The following TTC28 variants were observed in gnomAD, a reference collection of about 807,000 sequenced individuals.
The protein encoded by TTC28 is tetratricopeptide repeat protein 28.
A neutral mutation model predicts 198.0 loss-of-function variants in TTC28; 61 were observed. The observed-to-expected ratio is 0.31, with a 90% confidence interval of 0.25 to 0.38. The LOEUF is 0.38. TTC28 is among the 10% of genes least tolerant of loss of function. The probability of loss-of-function intolerance (pLI) is 1.00; values close to 1 mark genes in which losing one functional copy is unlikely to be tolerated. For missense variants in TTC28, 2,678 were observed against 3,164.0 expected (o/e 0.85, Z 3.69); for synonymous variants, 1,171 against 1,297.8 (o/e 0.90, Z 2.10).
At chr22:28,446,273 TG>T (rs2047699489) in intron 2 of TTC28, among the ~76,000 whole-genome samples, 1 of 87,994 alleles carries the variant, frequency 1.1e-5, no homozygotes, top group African/African-American at 4.6e-5. Context: ...GAATGGGGTG[TG>T]GGGGTGGGAG....
At chr22:28,349,958 G>T (rs1215613073) in intron 2 of TTC28, among the ~76,000 whole-genome samples, 1 of 152,214 alleles carries the variant, frequency 6.6e-6, no homozygotes, top group African/African-American at 2.4e-5. Flanking sequence ...CAGTGAAGAT[G>T]AGATAGTAAT....
intron 2 of TTC28, among the ~76,000 whole-genome samples, chr22:28,419,618 CG>C (rs1441446529): frequency 1.9e-4 from 29 of 152,238 alleles, no homozygotes; most frequent in African/African-American, 6.7e-4. Flanking sequence ...AACAGCCTAT[CG>C]ACAATCTAAA....
At chr22:28,372,902 T>C (rs2046359434) in intron 2 of TTC28, among the ~76,000 whole-genome samples, 1 of 152,212 alleles carries the variant, frequency 6.6e-6, no homozygotes, top group South Asian at 2.1e-4. Context: ...CAGTAAAATG[T>C]GGTTAGCTAA....
chr22:28,488,007 G>A (rs1003167614), intron 2 of TTC28, among the ~76,000 whole-genome samples: 11 of 151,918 alleles, frequency 7.2e-5, no homozygotes, highest in Non-Finnish European at 1.5e-4. Context: ...TCCACCAGAC[G>A]CTCCTGCGCA....
At chr22:28,619,670 C>A (rs2050960020) in intron 2 of TTC28, among the ~76,000 whole-genome samples, 1 of 152,170 alleles carries the variant, frequency 6.6e-6, no homozygotes, top group African/African-American at 2.4e-5. Context: ...AAAATTTCTG[C>A]ATCAAAATGA....
intron 2 of TTC28, among the ~76,000 whole-genome samples, chr22:28,611,562 G>C (rs931103554): frequency 6.9e-6 from 1 of 145,580 alleles, no homozygotes; most frequent in African/African-American, 2.5e-5. Context: ...CATTGTGCAG[G>C]TTAGTTACAT....
chr22:28,099,157 C>T, intron 9 of TTC28, 113 bp from the exon 10 acceptor site: 1 of 1,410,856 alleles, frequency 7.1e-7, no homozygotes, highest in South Asian at 1.4e-5. Context: ...ATATTTTTTA[C>T]AGATTTGAAA....
intron 2 of TTC28, among the ~76,000 whole-genome samples, chr22:28,511,812 C>T (rs1307683846): frequency 2.0e-5 from 3 of 149,904 alleles, no homozygotes; most frequent in Non-Finnish European, 3.0e-5. Context: ...AGTGAGACTC[C>T]GTCTCAGAAA....
At chr22:28,612,219 A>G (rs1201270161) in intron 2 of TTC28, among the ~76,000 whole-genome samples, 3 of 152,220 alleles carry the variant, frequency 2.0e-5, no homozygotes, top group Non-Finnish European at 1.5e-5. Flanking sequence ...AAAGATCAAG[A>G]GAGACAAAGA....
At position 28,094,063 on chromosome 22, in the gene TTC28, G is replaced by T. The variant is rs918065512; in HGVS notation, c.3932+17C>A. 2.2e-5 allele frequency: 33 copies of T among 1,508,146 alleles called. No homozygotes were observed. Among genetic ancestry groups the T allele is most frequent in the Non-Finnish European group, 2.7e-5 (31 of 1,128,448 alleles). The allele number at this position is 1,508,146 out of a possible 1,614,324, so 93.4% of individuals were successfully genotyped here. A position where few individuals can be genotyped will look rare whatever the true frequency, so the allele number is the denominator to read the frequency against. ...AGATTTATCTGAAAATGGACTTGGG[G>T]ATGTTTTACTACCTACCTTGAGTAG... On this transcript the variant is annotated intron_variant, in intron 12 of 22. Coordinates refer to ENST00000397906, the MANE Select transcript of TTC28 (RefSeq NM_001145418.2).
chr22:28,222,737 A>G (rs1927985913), intron 5 of TTC28, among the ~76,000 whole-genome samples: 1 of 152,230 alleles, frequency 6.6e-6, no homozygotes, highest in South Asian at 2.1e-4. Context: ...AAAGATTTTA[A>G]GTTGAAATGA....
At chr22:28,173,823 T>G (rs1922907091) in intron 5 of TTC28, among the ~76,000 whole-genome samples, 1 of 152,248 alleles carries the variant, frequency 6.6e-6, no homozygotes, top group Non-Finnish European at 1.5e-5. Context: ...AAACACGTTT[T>G]CCTTCCATCT....
At chr22:28,334,183 A>G (rs2045666424) in intron 2 of TTC28, among the ~76,000 whole-genome samples, 1 of 151,782 alleles carries the variant, frequency 6.6e-6, no homozygotes, top group African/African-American at 2.4e-5. Context: ...ACATGAACTC[A>G]TCCCTTTTTA....
chr22:28,553,708 G>A (rs1039507689), intron 2 of TTC28, among the ~76,000 whole-genome samples: 2 of 151,738 alleles, frequency 1.3e-5, no homozygotes, highest in African/African-American at 2.4e-5. Context: ...GAGGTGGGGG[G>A]TCAGCCCCCG....
intron 5 of TTC28, among the ~76,000 whole-genome samples, chr22:28,185,383 G>A (rs1417140961): frequency 6.6e-6 from 1 of 152,104 alleles, no homozygotes; most frequent in Non-Finnish European, 1.5e-5. Context: ...TTAAACAGGA[G>A]CTGCTATTAT....
intron 15 of TTC28, 110 bp downstream of exon 15, chr22:28,001,264 T>G (rs1380557322): frequency 6.7e-6 from 9 of 1,340,372 alleles, no homozygotes; most frequent in Non-Finnish European, 9.1e-6. Context: ...TCAACACTTT[T>G]GAGGAGATCA....
chr22:28,235,410 C>G (rs1041552472), intron 5 of TTC28, among the ~76,000 whole-genome samples: 1 of 152,164 alleles, frequency 6.6e-6, no homozygotes, highest in Non-Finnish European at 1.5e-5. Flanking sequence ...TTTCTCCTTT[C>G]CATTAATAAT....
intron 12 of TTC28, among the ~76,000 whole-genome samples, chr22:28,041,170 T>C (rs982195192): frequency 6.6e-6 from 1 of 152,170 alleles, no homozygotes; most frequent in Admixed American, 6.5e-5. Flanking sequence ...AGGTAGTTTA[T>C]AGATTCAATG....
chr22:28,571,249 T>C (rs1021253807), intron 2 of TTC28, among the ~76,000 whole-genome samples: 1 of 152,184 alleles, frequency 6.6e-6, no homozygotes, highest in Admixed American at 6.5e-5. Flanking sequence ...CCCGACTAAA[T>C]TTTCTACATC....
Sources: gnomAD v4.1 joint callset for allele counts (sites outside exome capture counted in the v4.1 genomes callset) on GRCh38, gnomAD v4.1.1 for gene constraint, MANE v1.5 for transcripts, NCBI Gene and HGNC (gene_info 2026-07-23, HGNC 2026-07-21) for gene names.